TANC2: variants seen among roughly 807,000 people sequenced by gnomAD.
TANC2 encodes the protein tetratricopeptide repeat, ankyrin repeat and coiled-coil containing 2, also known as protein TANC2.
In TANC2, 26 loss-of-function variants were observed where a neutral mutation model predicts 210.5. That is an observed-to-expected ratio of 0.12 (90% CI 0.09 to 0.17). The LOEUF (loss-of-function observed/expected upper bound fraction) is 0.17. Ranked by LOEUF, TANC2 falls within the 10% of genes least tolerant of loss-of-function variation. The probability of loss-of-function intolerance (pLI) is 1.00; values close to 1 mark genes in which losing one functional copy is unlikely to be tolerated. For missense variants in TANC2, 2,129 were observed against 2,608.9 expected (o/e 0.82, Z 4.01); for synonymous variants, 931 against 967.1 (o/e 0.96, Z 0.69).
intron 2 of TANC2, among the ~76,000 whole-genome samples, chr17:63,054,035 A>G (rs968533623): frequency 3.3e-5 from 5 of 152,204 alleles, no homozygotes; most frequent in Middle Eastern, 3.2e-3. Context: ...AAAAGAACAC[A>G]GTTTTAAAGC....
chr17:63,241,395 GA>G (rs1453367215), intron 8 of TANC2, among the ~76,000 whole-genome samples: 1 of 152,118 alleles, frequency 6.6e-6, no homozygotes, highest in African/African-American at 2.4e-5. Context: ...TGGTATTGGG[GA>G]AAAAAATGGA....
chr17:63,107,978 TA>T (rs1337734334), intron 4 of TANC2, among the ~76,000 whole-genome samples: 3 of 151,796 alleles, frequency 2.0e-5, no homozygotes, highest in Admixed American at 6.5e-5. Context: ...TTTTTAAAAA[TA>T]AAAACTTCAT....
intron 7 of TANC2, among the ~76,000 whole-genome samples, chr17:63,203,172 T>G (rs1303067959): frequency 2.6e-5 from 4 of 152,172 alleles, no homozygotes; most frequent in African/African-American, 4.8e-5. Flanking sequence ...ATATAAAGCT[T>G]CTTTTCCCTT....
chr17:63,215,770 G>A (rs1405107667), intron 7 of TANC2, among the ~76,000 whole-genome samples: 1 of 150,902 alleles, frequency 6.6e-6, no homozygotes, highest in Non-Finnish European at 1.5e-5. Flanking sequence ...TTTTTTCTGA[G>A]ACGGAGTCTC....
At chr17:63,240,789 T>A (rs2042752451) in intron 8 of TANC2, among the ~76,000 whole-genome samples, 1 of 152,206 alleles carries the variant, frequency 6.6e-6, no homozygotes, top group South Asian at 2.1e-4. Context: ...CAGGCTGAAC[T>A]CAAATACTTC....
chr17:62,983,981 T>C (rs1412017077), intron 1 of TANC2, among the ~76,000 whole-genome samples: 2 of 152,156 alleles, frequency 1.3e-5, no homozygotes, highest in Non-Finnish European at 2.9e-5. Context: ...GTTGGCCTTA[T>C]ACAATGAGTT....
intron 24 of TANC2, 45 bp from the exon 25 acceptor site, chr17:63,413,498 A>G: frequency 6.7e-7 from 1 of 1,492,674 alleles, no homozygotes; most frequent in Non-Finnish European, 9.1e-7. Context: ...TACCACCCTT[A>G]CATTGTATGA....
intron 1 of TANC2, among the ~76,000 whole-genome samples, chr17:62,995,645 A>G (rs567588956): frequency 6.6e-6 from 1 of 152,336 alleles, no homozygotes; most frequent in East Asian, 1.9e-4. Flanking sequence ...TGTACTACAT[A>G]CAAGGCTGAC....
chr17:62,973,436 A>G (rs1216078606), intron 1 of TANC2, among the ~76,000 whole-genome samples: 1 of 152,206 alleles, frequency 6.6e-6, no homozygotes, highest in Admixed American at 6.5e-5. Flanking sequence ...TAGTTAGTAC[A>G]TAGTAGGTGC....
chr17:63,412,836 A>G lies in TANC2; in HGVS notation c.3928+127A>G. 2 of 1,190,352 alleles carry G rather than the reference A, an allele frequency of 1.7e-6. No individual in the cohort carries two copies. Among genetic ancestry groups the G allele is most frequent in the Non-Finnish European group, 1.1e-6 (1 of 871,670 alleles). 73.7% of individuals were successfully genotyped at this position (1,190,352 alleles called of 1,614,324 possible). A position where few individuals can be genotyped will look rare whatever the true frequency, so the allele number is the denominator to read the frequency against. On this transcript the variant is annotated intron_variant, in intron 24 of 27. Coordinates refer to ENST00000689528, the Ensembl canonical transcript of TANC2. The surrounding 1 kb of genome is among the most constrained non-coding windows in gnomAD (Gnocchi z 4.2). ...CTTTTAATTTACTTCACCTTAAAAGAAGATTTTTTTTAATGACTGTTGTAG... is the reference window on the plus strand; with the variant it reads ...CTTTTAATTTACTTCACCTTAAAAGGAGATTTTTTTTAATGACTGTTGTAG...
intron 8 of TANC2, among the ~76,000 whole-genome samples, chr17:63,259,178 G>A (rs1312357420): frequency 6.6e-6 from 1 of 152,148 alleles, no homozygotes; most frequent in Non-Finnish European, 1.5e-5. Context: ...CTATTCTACT[G>A]TGGCTAAGCT....
rs201890563 is a variant in TANC2, at chr17:63,248,067, A to G, written c.1033+9990A>G. ...AGGGAATTGCCCTGCTAAATGTATA[A>G]TGTATGTAAATATTTGATAAAACCA... On this transcript the variant is annotated intron_variant, in intron 8 of 27. Coordinates refer to ENST00000689528, the Ensembl canonical transcript of TANC2. Among the ~76,000 whole-genome samples the G allele has an allele frequency of 6.3e-4, 96 of 152,236 alleles. 1 individual carries two copies. Among genetic ancestry groups the G allele is most frequent in the African/African-American group, 2.3e-3 (95 of 41,580 alleles).
chr17:63,188,058 T>C (rs1297298809), intron 5 of TANC2, among the ~76,000 whole-genome samples: 2 of 152,118 alleles, frequency 1.3e-5, no homozygotes, highest in Non-Finnish European at 2.9e-5. Context: ...CTAAGAAATT[T>C]CTTCAGGCAA....
At chr17:63,053,986 A>G (rs560040195) in intron 2 of TANC2, among the ~76,000 whole-genome samples, 3 of 152,266 alleles carry the variant, frequency 2.0e-5, no homozygotes, top group East Asian at 3.9e-4. Context: ...TGCTTTGTCT[A>G]CTTCTGCTCT....
At chr17:63,097,167 A>T (rs1163768389) in intron 3 of TANC2, among the ~76,000 whole-genome samples, 1 of 151,876 alleles carries the variant, frequency 6.6e-6, no homozygotes, top group Non-Finnish European at 1.5e-5. Context: ...GAGCCTCCCA[A>T]GTAGCTGGGA....
intron 9 of TANC2, among the ~76,000 whole-genome samples, chr17:63,309,897 A>G (rs1327398717): frequency 1.3e-5 from 2 of 152,210 alleles, no homozygotes; most frequent in East Asian, 3.8e-4. Flanking sequence ...CCCAATATGA[A>G]TAAGATAAAG....
chr17:63,266,599 G>GTA (rs2043536131), intron 8 of TANC2, among the ~76,000 whole-genome samples: 1 of 152,124 alleles, frequency 6.6e-6, no homozygotes. Flanking sequence ...TGGTAAGGTA[G>GTA]TATATATCAT....
chr17:63,171,775 A>G (rs981640766), intron 5 of TANC2, among the ~76,000 whole-genome samples: 4 of 152,264 alleles, frequency 2.6e-5, no homozygotes, highest in African/African-American at 9.6e-5. Flanking sequence ...CTATATCTAC[A>G]TATTAAAGAC....
chr17:63,065,862 A>C (rs2036176312), intron 2 of TANC2, among the ~76,000 whole-genome samples: 1 of 152,016 alleles, frequency 6.6e-6, no homozygotes, highest in African/African-American at 2.4e-5. Flanking sequence ...CACTCTGTTG[A>C]TTGTTTTCTT....
Sources: allele counts gnomAD v4.1 joint callset (sites outside exome capture counted in the v4.1 genomes callset), GRCh38; gene constraint gnomAD v4.1.1; non-coding constraint Gnocchi (gnomAD v3.1); transcripts MANE v1.5; gene names NCBI Gene and HGNC (gene_info 2026-07-23, HGNC 2026-07-21).